Variants in DACH1 observed in about 807,000 individuals in gnomAD.
The protein encoded by DACH1 is dachshund homolog 1.
Under a neutral mutation model 54.2 loss-of-function variants are expected in DACH1, and 12 were observed. That is an observed-to-expected ratio of 0.22 (90% CI 0.14 to 0.36). The LOEUF (loss-of-function observed/expected upper bound fraction) is 0.36. Among genes scored for constraint, DACH1 ranks in the 10% least tolerant of loss-of-function variants. The probability of loss-of-function intolerance (pLI) is 1.00; values close to 1 mark genes in which losing one functional copy is unlikely to be tolerated. For synonymous variants in DACH1, 386 were observed against 366.2 expected (o/e 1.05, Z -0.62); for missense variants, 805 against 929.8 (o/e 0.87, Z 1.75).
intron 3 of DACH1, among the ~76,000 whole-genome samples, chr13:71,605,323 ATGTAT>A (rs1178153205): frequency 6.6e-6 from 1 of 151,822 alleles, no homozygotes; most frequent in African/African-American, 2.4e-5. Context: ...GATACAACTA[ATGTAT>A]TGTAATATGA....
chr13:71,816,124 C>A (rs1887913167), intron 1 of DACH1, among the ~76,000 whole-genome samples: 2 of 152,006 alleles, frequency 1.3e-5, no homozygotes, highest in Admixed American at 1.3e-4. Context: ...CTCAGATTAA[C>A]CAAAACTAAG....
At chr13:71,797,706 G>A (rs1262831725) in intron 1 of DACH1, among the ~76,000 whole-genome samples, 4 of 152,024 alleles carry the variant, frequency 2.6e-5, no homozygotes, top group Non-Finnish European at 4.4e-5. Flanking sequence ...TCACTTCACC[G>A]AATGTTCCGA....
intron 6 of DACH1, among the ~76,000 whole-genome samples, chr13:71,508,397 AACTTGT>A (rs1452070999): frequency 2.0e-5 from 3 of 152,186 alleles, no homozygotes; most frequent in Non-Finnish European, 4.4e-5. Flanking sequence ...ACAAAAGAAT[AACTTGT>A]ACTTGTTAGT....
At chr13:71,840,659 G>T (rs9645954) in intron 1 of DACH1, among the ~76,000 whole-genome samples, 6,488 of 152,002 alleles carry the variant, frequency 0.043, 176 homozygotes, top group East Asian at 0.11. Flanking sequence ...CTTTGCCATT[G>T]CTACAAAGTT....
At chr13:71,656,255 C>T (rs1879082857) in intron 2 of DACH1, among the ~76,000 whole-genome samples, 1 of 152,170 alleles carries the variant, frequency 6.6e-6, no homozygotes. Context: ...GTTCATTCTG[C>T]ATTCTTCCTC....
chr13:71,798,342 A>G (rs1435308310), intron 1 of DACH1, among the ~76,000 whole-genome samples: 3 of 128,580 alleles, frequency 2.3e-5, no homozygotes, highest in Non-Finnish European at 4.6e-5. Context: ...ATATATATAT[A>G]TATATATATA....
chr13:71,674,966 C>T (rs1348264389), intron 2 of DACH1: 4 of 694,314 alleles, frequency 5.8e-6, no homozygotes, highest in Admixed American at 4.9e-5. Context: ...TGTTCGCAGC[C>T]GCCACCGCGC....
At chr13:71,815,948 G>A (rs1026109574) in intron 1 of DACH1, among the ~76,000 whole-genome samples, 41 of 151,864 alleles carry the variant, frequency 2.7e-4, no homozygotes, top group Admixed American at 8.5e-4. Flanking sequence ...AGCCGGGCGT[G>A]GTAGCGGGCG....
intron 1 of DACH1, among the ~76,000 whole-genome samples, chr13:71,815,824 G>C (rs944295380): frequency 1.3e-5 from 2 of 152,108 alleles, no homozygotes; most frequent in African/African-American, 4.8e-5. Flanking sequence ...GGTGGCTCAC[G>C]CCTGTAATCC....
intron 1 of DACH1, among the ~76,000 whole-genome samples, chr13:71,824,431 G>A (rs559410770): frequency 2.8e-4 from 42 of 152,078 alleles, no homozygotes; most frequent in Admixed American, 1.3e-3. Context: ...ATTGCTGAAT[G>A]TCACATAAAC....
chr13:71,683,438 A>G (rs1215419733), intron 1 of DACH1, among the ~76,000 whole-genome samples: 1 of 152,168 alleles, frequency 6.6e-6, no homozygotes, highest in Non-Finnish European at 1.5e-5. Flanking sequence ...TGTGAGAAAT[A>G]AATGAAACCA....
intron 1 of DACH1, among the ~76,000 whole-genome samples, chr13:71,748,910 T>TTCTTTC (rs1884780362): frequency 5.1e-5 from 2 of 39,226 alleles, no homozygotes; most frequent in African/African-American, 1.1e-4. Flanking sequence ...CTTTCTTTCT[T>TTCTTTC]TCTTTCTTTC....
chr13:71,653,448 G>T (rs1003101435), intron 2 of DACH1, among the ~76,000 whole-genome samples: 1 of 152,154 alleles, frequency 6.6e-6, no homozygotes, highest in Non-Finnish European at 1.5e-5. Context: ...ATCTCAGAAG[G>T]CTCTTTGAAT....
chr13:71,721,141 A>G (rs1483128001), intron 1 of DACH1, among the ~76,000 whole-genome samples: 1 of 152,206 alleles, frequency 6.6e-6, no homozygotes. Flanking sequence ...TGATTTCCCT[A>G]TACATAGTGT....
chr13:71,858,872 T>TCTCTCTCTGC (rs1215471445), intron 1 of DACH1, among the ~76,000 whole-genome samples: 5 of 151,770 alleles, frequency 3.3e-5, no homozygotes, highest in African/African-American at 1.2e-4. Context: ...TTAAGCACTC[T>TCTCTCTCTGC]CTCTCTCTGC....
chr13:71,777,191 T>A (rs1566493430), intron 1 of DACH1, among the ~76,000 whole-genome samples: 1 of 152,090 alleles, frequency 6.6e-6, no homozygotes, highest in Non-Finnish European at 1.5e-5. Flanking sequence ...CTTCTTCTTG[T>A]CCGTACGGTA....
Position 71,542,974 on chromosome 13 carries a change from C to T in DACH1, c.1570+14050G>A, listed in dbSNP as rs75052628. 1.2e-3 allele frequency among the ~76,000 whole-genome samples: 183 copies of T among 152,116 alleles called. 2 individuals carry two copies. In the East Asian group the frequency reaches 0.028, roughly 23 times the overall value. ...GCTCTTAGTCTAACAAAGATCACAGCAAAATAAAATACATTCATGAAAGGA... is the reference window on the plus strand; with the variant it reads ...GCTCTTAGTCTAACAAAGATCACAGTAAAATAAAATACATTCATGAAAGGA... On this transcript the variant is annotated intron_variant, in intron 6 of 10. Transcript: ENST00000613252.
chr13:71,518,269 T>C (rs1479290161), intron 6 of DACH1, among the ~76,000 whole-genome samples: 1 of 151,518 alleles, frequency 6.6e-6, no homozygotes, highest in Non-Finnish European at 1.5e-5. Context: ...ATCATGGAGG[T>C]ACATGCACAG....
intron 1 of DACH1, among the ~76,000 whole-genome samples, chr13:71,861,756 G>A (rs1298789262): frequency 6.6e-6 from 1 of 151,766 alleles, no homozygotes; most frequent in African/African-American, 2.4e-5. Context: ...TCTGTGCCAA[G>A]TATTGTAATT....
Sources: allele counts gnomAD v4.1 joint callset (sites outside exome capture counted in the v4.1 genomes callset), GRCh38; gene constraint gnomAD v4.1.1; transcripts MANE v1.5; gene names NCBI Gene and HGNC (gene_info 2026-07-23, HGNC 2026-07-21).